The following ABCG2 variants were observed in gnomAD, a reference collection of about 807,000 sequenced individuals.
The protein encoded by ABCG2 is broad substrate specificity ATP-binding cassette transporter ABCG2.
In ABCG2, 80 loss-of-function variants were observed where a neutral mutation model predicts 73.5. The ratio of observed to expected loss-of-function variants is 1.09; its 90% CI spans 0.91 to 1.31. The LOEUF (loss-of-function observed/expected upper bound fraction) is 1.31, where lower values mean the gene tolerates loss of function less well. Ranked by LOEUF, ABCG2 falls within the 50% of genes most tolerant of loss-of-function variation. The pLI is 0.00. For missense variants in ABCG2, 796 were observed against 786.2 expected, an observed-to-expected ratio of 1.01 and a Z score of -0.15; for synonymous variants, 269 against 282.4, an observed-to-expected ratio of 0.95 and a Z score of 0.48.
intron 9 of ABCG2, among the ~76,000 whole-genome samples, chr4:88,110,113 C>T (rs921085194): frequency 6.6e-6 from 1 of 152,036 alleles, no homozygotes; most frequent in Admixed American, 6.6e-5. Flanking sequence ...CCACACTTAG[C>T]TCATTTTATT....
At chr4:88,194,311 G>A (rs971951243) in intron 1 of ABCG2, among the ~76,000 whole-genome samples, 5 of 151,608 alleles carry the variant, frequency 3.3e-5, no homozygotes, top group African/African-American at 1.2e-4. Context: ...AGCACTTTGG[G>A]AGGCCGAGGC....
chr4:88,135,776 C>A (rs1410315675), intron 2 of ABCG2, among the ~76,000 whole-genome samples: 2 of 152,156 alleles, frequency 1.3e-5, no homozygotes, highest in African/African-American at 2.4e-5. Flanking sequence ...AATGGGATTA[C>A]TTCTAAAAAG....
At chr4:88,207,584 C>T (rs61055940) in intron 1 of ABCG2, among the ~76,000 whole-genome samples, 97,321 of 152,040 alleles carry the variant, frequency 0.64, 33,784 homozygotes, top group East Asian at 1. Flanking sequence ...TGCTGTGTCA[C>T]CCAGAGCTGG....
chr4:88,193,311 CAT>C (rs1376813335), intron 1 of ABCG2, among the ~76,000 whole-genome samples: 3 of 152,072 alleles, frequency 2.0e-5, no homozygotes, highest in Non-Finnish European at 4.4e-5. Flanking sequence ...ACTGCTAGTA[CAT>C]GAGTGAGATT....
At chr4:88,170,375 G>A (rs1727711843) in intron 1 of ABCG2, among the ~76,000 whole-genome samples, 2 of 152,110 alleles carry the variant, frequency 1.3e-5, no homozygotes, top group African/African-American at 2.4e-5. Context: ...AGCTTCAGGG[G>A]CCTAATCCTG....
intron 1 of ABCG2, among the ~76,000 whole-genome samples, chr4:88,174,207 G>A (rs1727866075): frequency 6.6e-6 from 1 of 151,672 alleles, no homozygotes; most frequent in Non-Finnish European, 1.5e-5. Flanking sequence ...AGAATGTGCA[G>A]GTTTGTTACA....
upstream of ABCG2, among the ~76,000 whole-genome samples, chr4:88,163,270 T>C (rs945065367): frequency 6.6e-6 from 1 of 152,164 alleles, no homozygotes; most frequent in African/African-American, 2.4e-5. Flanking sequence ...CAAACAGTTA[T>C]TGTAAATAAA....
At chr4:88,169,885 T>C (rs974566859) in intron 1 of ABCG2, among the ~76,000 whole-genome samples, 7 of 151,948 alleles carry the variant, frequency 4.6e-5, no homozygotes, top group Admixed American at 2.6e-4. Context: ...CCGAGGTGGG[T>C]GGATCACCTG....
At chr4:88,197,589 C>G (rs1332389049) in intron 1 of ABCG2, among the ~76,000 whole-genome samples, 1 of 151,950 alleles carries the variant, frequency 6.6e-6, no homozygotes, top group Non-Finnish European at 1.5e-5. Context: ...TGCACTCCAG[C>G]CTGAGCAACA....
Position 88,097,365 on chromosome 4 carries a change from A to C in ABCG2, c.1647+88T>G. On this transcript the variant is annotated intron_variant, in intron 13 of 15. Transcript: ENST00000237612. ...CAGAGCCCCATTTACAGAATCCTCA[A>C]AACAGGTTTTACATGACAAGTGAAT... The C allele has an allele frequency of 3.3e-6, 5 of 1,492,780 alleles. No homozygotes were observed. In the South Asian group the frequency reaches 6.5e-5, roughly 19 times the overall value. The allele number at this position is 1,492,780 out of a possible 1,614,324, so 92.5% of individuals were successfully genotyped here. A position where few individuals can be genotyped will look rare whatever the true frequency, so the allele number is the denominator to read the frequency against.
chr4:88,198,592 C>T lies in ABCG2; in HGVS notation c.-20+32402G>A, dbSNP rs143642751. 3.4e-3 allele frequency among the ~76,000 whole-genome samples: 513 copies of T among 152,166 alleles called. 9 individuals are homozygous for T. Among genetic ancestry groups the T allele is most frequent in the Admixed American group, 0.03 (457 of 15,280 alleles). ...AGGCTGCAGTGAGCTATGATCATGT[C>T]ACTGCATTCCAGCCTGGGTGACAAA... is the stretch of plus-strand genomic sequence containing the variant. On this transcript the variant is annotated intron_variant, in intron 1 of 15. Transcript: ENST00000515655.
intron 12 of ABCG2, among the ~76,000 whole-genome samples, 200 bp from the exon 13 acceptor site, chr4:88,097,807 T>G (rs1390098330): frequency 6.6e-6 from 1 of 152,252 alleles, no homozygotes. Flanking sequence ...ATAACACTTA[T>G]GTGCCATTAT....
intron 5 of ABCG2, among the ~76,000 whole-genome samples, chr4:88,127,732 G>A (rs1724531553): frequency 1.3e-5 from 2 of 152,098 alleles, no homozygotes; most frequent in Non-Finnish European, 1.5e-5. Flanking sequence ...GCAGAAAACT[G>A]AAACTGGACC....
At chr4:88,108,145 C>G (rs1722881694) in intron 9 of ABCG2, among the ~76,000 whole-genome samples, 1 of 1,610 alleles carries the variant, frequency 6.2e-4, no homozygotes. Context: ...CTTCAATAAG[C>G]AAAGGGTTAA....
intron 7 of ABCG2, among the ~76,000 whole-genome samples, chr4:88,115,986 G>A (rs1487736892): frequency 6.6e-6 from 1 of 152,118 alleles, no homozygotes; most frequent in African/African-American, 2.4e-5. Context: ...CTTGAGCCCA[G>A]GACTTCCAGA....
intron 1 of ABCG2, among the ~76,000 whole-genome samples, chr4:88,165,154 G>A (rs960954928): frequency 6.6e-6 from 1 of 152,184 alleles, no homozygotes; most frequent in Non-Finnish European, 1.5e-5. Flanking sequence ...GAAGTTGATG[G>A]ATGTGCTGAG....
At chr4:88,150,914 T>C (rs984596588) in intron 1 of ABCG2, among the ~76,000 whole-genome samples, 1 of 152,144 alleles carries the variant, frequency 6.6e-6, no homozygotes, top group Non-Finnish European at 1.5e-5. Flanking sequence ...AAACCTATTA[T>C]CTGTGCATGT....
intron 5 of ABCG2, among the ~76,000 whole-genome samples, chr4:88,123,278 G>A (rs112315708): frequency 7.2e-5 from 11 of 152,204 alleles, no homozygotes; most frequent in South Asian, 2.1e-4. Flanking sequence ...ACAGCTCCTC[G>A]CCAGCAAGGG....
At chr4:88,182,182 C>T (rs2110100830) in intron 1 of ABCG2, among the ~76,000 whole-genome samples, 1 of 152,086 alleles carries the variant, frequency 6.6e-6, no homozygotes, top group East Asian at 1.9e-4. Flanking sequence ...ATAAAGGGGT[C>T]AATTCAGCAA....
Sources: gnomAD v4.1 joint callset for allele counts (sites outside exome capture counted in the v4.1 genomes callset) on GRCh38, gnomAD v4.1.1 for gene constraint, MANE v1.5 for transcripts, NCBI Gene and HGNC (gene_info 2026-07-23, HGNC 2026-07-21) for gene names.